The following SORCS1 variants were observed in gnomAD, a reference collection of about 807,000 sequenced individuals.
SORCS1 encodes sortilin related VPS10 domain containing receptor 1, also known as VPS10 domain-containing receptor SorCS1.
SORCS1 carries 60 observed loss-of-function variants against 146.1 expected under a neutral mutation model. That is an observed-to-expected ratio of 0.41 (90% CI 0.33 to 0.51). The LOEUF is 0.51. Among genes scored for constraint, SORCS1 ranks in the 20% least tolerant of loss-of-function variants. The probability of loss-of-function intolerance (pLI) is 0.21; values close to 1 mark genes in which losing one functional copy is unlikely to be tolerated. For synonymous variants in SORCS1, 637 were observed against 584.0 expected, an observed-to-expected ratio of 1.09 and a Z score of -1.31; for missense variants, 1,352 against 1,487.6, an observed-to-expected ratio of 0.91 and a Z score of 1.50.
At chr10:107,151,584 A>G (rs1208244772) in intron 1 of SORCS1, among the ~76,000 whole-genome samples, 1 of 152,190 alleles carries the variant, frequency 6.6e-6, no homozygotes, top group African/African-American at 2.4e-5. Flanking sequence ...AGAATAGCAC[A>G]GGAAAGACCA....
At chr10:106,737,814 A>G (rs1413537959) in intron 5 of SORCS1, among the ~76,000 whole-genome samples, 1 of 152,228 alleles carries the variant, frequency 6.6e-6, no homozygotes, top group Non-Finnish European at 1.5e-5. Context: ...AATGAGATAC[A>G]GAGAAATGCA....
At chr10:106,933,665 G>A (rs748008645) in intron 2 of SORCS1, among the ~76,000 whole-genome samples, 8 of 152,006 alleles carry the variant, frequency 5.3e-5, no homozygotes, top group Non-Finnish European at 7.4e-5. Flanking sequence ...TATGGCAGAG[G>A]AAAGCACAAA....
chr10:106,720,989 A>C (rs528895093), intron 6 of SORCS1, among the ~76,000 whole-genome samples: 2 of 152,138 alleles, frequency 1.3e-5, no homozygotes, highest in East Asian at 3.9e-4. Context: ...TCAGGCTACT[A>C]AATCAGAGAG....
At chr10:106,938,709 TAAAC>T (rs1953877572) in intron 2 of SORCS1, among the ~76,000 whole-genome samples, 1 of 152,200 alleles carries the variant, frequency 6.6e-6, no homozygotes, top group Non-Finnish European at 1.5e-5. Flanking sequence ...ACTACTCAAA[TAAAC>T]AAACAAAGTG....
chr10:106,804,865 A>G, intron 3 of SORCS1, among the ~76,000 whole-genome samples: 1 of 152,204 alleles, frequency 6.6e-6, no homozygotes, highest in East Asian at 1.9e-4. Context: ...AACCCATTAC[A>G]TAGGATATAA....
chr10:107,150,877 T>A (rs1244439842), intron 1 of SORCS1, among the ~76,000 whole-genome samples: 1 of 152,208 alleles, frequency 6.6e-6, no homozygotes, highest in African/African-American at 2.4e-5. Context: ...TCGTGAGGCC[T>A]CCCCAGCCAT....
intron 14 of SORCS1, among the ~76,000 whole-genome samples, chr10:106,674,005 G>GT (rs917105152): frequency 4.6e-5 from 7 of 151,874 alleles, no homozygotes; most frequent in Non-Finnish European, 1.0e-4. Flanking sequence ...TTTTATTGTT[G>GT]TTTTCTACCA....
intron 2 of SORCS1, among the ~76,000 whole-genome samples, chr10:106,891,522 A>G (rs74152263): frequency 0.02 from 1,021 of 52,218 alleles, 29 homozygotes; most frequent in African/African-American, 0.087. Context: ...TTTTTTGAGA[A>G]AAGACCTTGC....
intron 2 of SORCS1, among the ~76,000 whole-genome samples, chr10:106,859,834 GC>G (rs1371540844): frequency 2.0e-5 from 3 of 151,966 alleles, no homozygotes; most frequent in Non-Finnish European, 2.9e-5. Context: ...GTTTGATCTC[GC>G]TTACCAGATG....
At chr10:106,878,468 A>G (rs1950676153) in intron 2 of SORCS1, among the ~76,000 whole-genome samples, 1 of 151,424 alleles carries the variant, frequency 6.6e-6, no homozygotes, top group Admixed American at 6.6e-5. Context: ...CACCCTTATT[A>G]AGGGGCTGCC....
intron 2 of SORCS1, among the ~76,000 whole-genome samples, chr10:106,925,151 G>A (rs1952951100): frequency 6.6e-6 from 1 of 151,838 alleles, no homozygotes; most frequent in African/African-American, 2.4e-5. Flanking sequence ...TGGAGAAGAG[G>A]AAGACTCACA....
chr10:106,577,659 T>C, intron 25 of SORCS1, 104 bp from the exon 26 acceptor site: 2 of 1,536,470 alleles, frequency 1.3e-6, no homozygotes, highest in African/African-American at 2.7e-5. Flanking sequence ...AAGGAGGAAT[T>C]ACTACTTTAA....
chr10:107,165,869 A>C (rs1306105975), upstream of SORCS1, among the ~76,000 whole-genome samples: 1 of 152,232 alleles, frequency 6.6e-6, no homozygotes, highest in Non-Finnish European at 1.5e-5. The surrounding 1 kb of genome is among the most constrained non-coding windows in gnomAD (Gnocchi z 4.0). Flanking sequence ...GATGACCTTT[A>C]AAATCCCTTC....
At chr10:106,933,866 G>C (rs1243995110) in intron 2 of SORCS1, among the ~76,000 whole-genome samples, 3 of 152,180 alleles carry the variant, frequency 2.0e-5, no homozygotes, top group Non-Finnish European at 4.4e-5. Context: ...GGCCAAGGCA[G>C]ATGGATCACC....
chr10:106,843,795 T>G (rs1434039996), intron 2 of SORCS1, among the ~76,000 whole-genome samples: 2 of 152,326 alleles, frequency 1.3e-5, no homozygotes, highest in African/African-American at 4.8e-5. Flanking sequence ...ATTTTCTTTA[T>G]CCATTGATTT....
intron 1 of SORCS1, among the ~76,000 whole-genome samples, chr10:107,137,195 T>C (rs1275592925): frequency 1.3e-5 from 2 of 152,166 alleles, no homozygotes; most frequent in Non-Finnish European, 1.5e-5. Flanking sequence ...GAAGTAGGAA[T>C]GGCAGAGGAT....
intron 2 of SORCS1, among the ~76,000 whole-genome samples, chr10:106,882,175 A>T (rs1950826013): frequency 6.6e-6 from 1 of 152,178 alleles, no homozygotes; most frequent in Non-Finnish European, 1.5e-5. Context: ...GGTCTACCAG[A>T]GGTATCCAAT....
chr10:107,071,291 C>T (rs1358548531), intron 1 of SORCS1, among the ~76,000 whole-genome samples: 3 of 151,866 alleles, frequency 2.0e-5, no homozygotes, highest in African/African-American at 7.3e-5. Context: ...TTTTTTTATC[C>T]ATCTATATCT....
At chr10:107,165,510 A>G (rs942550491), upstream of SORCS1, among the ~76,000 whole-genome samples, 49 of 152,202 alleles carry the variant, frequency 3.2e-4, no homozygotes, top group South Asian at 1.4e-3. This position sits in a 1 kb window ranked among gnomAD's most constrained non-coding sequence, Gnocchi z 4.0. Flanking sequence ...CATTGAGGAC[A>G]GGAAGATCAA....
Sources: allele counts gnomAD v4.1 joint callset (sites outside exome capture counted in the v4.1 genomes callset), GRCh38; gene constraint gnomAD v4.1.1; non-coding constraint Gnocchi (gnomAD v3.1); transcripts MANE v1.5; gene names NCBI Gene and HGNC (gene_info 2026-07-23, HGNC 2026-07-21).